MYH14: variants seen among roughly 807,000 people sequenced by gnomAD.
MYH14 encodes the protein myosin-14.
Under a neutral mutation model 255.5 loss-of-function variants are expected in MYH14, and 123 were observed. That is an observed-to-expected ratio of 0.48 (90% CI 0.42 to 0.56). The LOEUF is 0.56. Ranked by LOEUF, MYH14 falls within the 20% of genes least tolerant of loss-of-function variation. The pLI is 0.00. For missense variants in MYH14, 2,423 were observed against 2,802.3 expected, an observed-to-expected ratio of 0.86 and a Z score of 3.06; for synonymous variants, 1,095 against 1,161.2, an observed-to-expected ratio of 0.94 and a Z score of 1.16.
chr19:50,272,095 G>A, intron 26 of MYH14, 123 bp downstream of exon 26: 1 of 1,326,964 alleles, frequency 7.5e-7, no homozygotes, highest in African/African-American at 1.5e-5. Context: ...GAAGGCTCAG[G>A]GCAGATTGAG....
intron 12 of MYH14, among the ~76,000 whole-genome samples, chr19:50,248,184 G>T (rs2123299135): frequency 6.6e-6 from 1 of 152,250 alleles, no homozygotes; most frequent in South Asian, 2.1e-4. Context: ...GGCAGATCAT[G>T]CAGGGTCTTA....
chr19:50,269,616 C>A (rs998780680), intron 24 of MYH14, among the ~76,000 whole-genome samples: 1 of 152,220 alleles, frequency 6.6e-6, no homozygotes, highest in African/African-American at 2.4e-5. Context: ...CACAGACGGC[C>A]ACATGGATGT....
At chr19:50,231,591 T>C (rs546175130) in intron 9 of MYH14, among the ~76,000 whole-genome samples, 14 of 151,878 alleles carry the variant, frequency 9.2e-5, no homozygotes, top group African/African-American at 3.1e-4. Context: ...CACACAGCTG[T>C]AGTCCCAGCT....
At chr19:50,268,409 C>T (rs775949614) in intron 24 of MYH14, 42 bp downstream of exon 24, 22 of 1,537,364 alleles carry the variant, frequency 1.4e-5, no homozygotes, top group Non-Finnish European at 1.9e-5. Context: ...CTCCAGACCC[C>T]TCTGTCTACA....
rs773312540 is a variant in MYH14 at position 50,309,934 on chromosome 19, C to T, written c.*144C>T. ...AGCACTCTGGCATTTATCACCCCCACCTGGGTCCCCTGCAACCTCCCATCA... is the reference window on the plus strand; with the variant it reads ...AGCACTCTGGCATTTATCACCCCCATCTGGGTCCCCTGCAACCTCCCATCA... On this transcript the variant is annotated 3_prime_UTR_variant, in exon 43 of 43. Transcript: ENST00000642316. 33 of 820,608 alleles carry T rather than the reference C, an allele frequency of 4.0e-5. No individual in the cohort carries two copies. The highest frequency in any genetic ancestry group is 6.3e-5 in the Non-Finnish European group (31 of 494,510). The allele number at this position is 820,608 out of a possible 1,614,324, so 50.8% of individuals were successfully genotyped here.
chr19:50,229,747 T>C (rs1427049922), intron 8 of MYH14, among the ~76,000 whole-genome samples: 1 of 152,168 alleles, frequency 6.6e-6, no homozygotes, highest in Non-Finnish European at 1.5e-5. Context: ...AGTGACAGTC[T>C]AGTTGAAGGT....
chr19:50,253,461 C>T (rs904954849), intron 16 of MYH14, among the ~76,000 whole-genome samples: 1 of 150,648 alleles, frequency 6.6e-6, no homozygotes, highest in African/African-American at 2.5e-5. Context: ...AAAAAAAATT[C>T]TACTGAGAAA....
chr19:50,226,752 C>A, intron 7 of MYH14, 151 bp from the exon 8 acceptor site: 1 of 716,768 alleles, frequency 1.4e-6, no homozygotes, highest in Non-Finnish European at 2.4e-6. Flanking sequence ...GATGGGGACT[C>A]ACCACAGGAT....
intron 42 of MYH14, 135 bp from the exon 43 acceptor site, chr19:50,309,505 C>T (rs1372787598): frequency 1.5e-6 from 1 of 680,024 alleles, no homozygotes; most frequent in Non-Finnish European, 2.6e-6. Flanking sequence ...GATCTCATCC[C>T]TCTCTTCCCC....
At chr19:50,272,049 G>T in intron 26 of MYH14, 77 bp downstream of exon 26, 1 of 1,547,646 alleles carries the variant, frequency 6.5e-7, no homozygotes, top group Non-Finnish European at 8.8e-7. Context: ...GTGCTACAGG[G>T]CCTCAGTGGC....
At position 50,266,003 on chromosome 19, in the gene MYH14, G is replaced by A. The variant is rs564608946; in HGVS notation, c.2695-874G>A. Reference sequence around the variant, plus strand: ...TTTGAGAAATGTGAATGATACCTGCGAAAGATGCAAGGAGTCGGGGCAGAA... The same window carrying A: ...TTTGAGAAATGTGAATGATACCTGCAAAAGATGCAAGGAGTCGGGGCAGAA... On this transcript the variant is annotated intron_variant, in intron 22 of 42. Coordinates refer to ENST00000642316, the MANE Select transcript of MYH14 (RefSeq NM_001145809.2). The surrounding 1 kb of genome is among the most constrained non-coding windows in gnomAD (Gnocchi z 4.1). Among the ~76,000 whole-genome samples, 2 of 152,112 alleles carry A rather than the reference G, an allele frequency of 1.3e-5. No individual in the cohort carries two copies. The highest frequency in any genetic ancestry group is 2.1e-4 in the South Asian group (1 of 4,832).
rs571949502 is a variant in MYH14, at chr19:50,281,890, C to G, written c.4539+48C>G. ...GCCGGGGAATCAGCAAGTCCATCTA[C>G]GCTTCCCATGGTCGTTGTGAGGAAC... On this transcript the variant is annotated intron_variant, in intron 33 of 42. Coordinates refer to ENST00000642316, the MANE Select transcript of MYH14 (RefSeq NM_001145809.2). The G allele has an allele frequency of 4.4e-6, 7 of 1,582,032 alleles. No individual in the cohort carries two copies. In the African/African-American group the frequency reaches 6.7e-5, roughly 15 times the overall value.
intron 40 of MYH14, among the ~76,000 whole-genome samples, chr19:50,306,522 G>C (rs1250514966): frequency 6.6e-6 from 1 of 152,128 alleles, no homozygotes; most frequent in African/African-American, 2.4e-5. Flanking sequence ...ATTCAAGTCT[G>C]CTGAAATAAA....
chr19:50,216,801 CTTTTTTTT>C (rs200626930), intron 2 of MYH14, among the ~76,000 whole-genome samples: 2 of 112,790 alleles, frequency 1.8e-5, no homozygotes, highest in Non-Finnish European at 3.4e-5. Flanking sequence ...TCCATCCTTT[CTTTTTTTT>C]TTTTTTTTTT....
intron 39 of MYH14, among the ~76,000 whole-genome samples, chr19:50,297,469 T>C (rs943504282): frequency 1.3e-5 from 2 of 148,340 alleles, no homozygotes; most frequent in African/African-American, 4.9e-5. Flanking sequence ...TTTCCCATCT[T>C]TGTGGCTCTG....
At chr19:50,304,505 A>T (rs1361248870) in intron 40 of MYH14, among the ~76,000 whole-genome samples, 5 of 152,112 alleles carry the variant, frequency 3.3e-5, no homozygotes, top group African/African-American at 1.2e-4. Flanking sequence ...TAGGAGAATC[A>T]CTTGAACCTG....
intron 10 of MYH14, among the ~76,000 whole-genome samples, chr19:50,239,219 A>G (rs1438597648): frequency 6.6e-6 from 1 of 152,070 alleles, no homozygotes; most frequent in Non-Finnish European, 1.5e-5. Flanking sequence ...GGGTTTCTCC[A>G]TGTTGGTCAG....
chr19:50,291,085 T>C (rs2036060321), intron 36 of MYH14, 37 bp downstream of exon 36: 1 of 1,603,568 alleles, frequency 6.2e-7, no homozygotes, highest in Non-Finnish European at 8.5e-7. Flanking sequence ...GGGGAGGCTT[T>C]GGTGTCTTCA....
chr19:50,232,602 A>AC (rs1371948906), intron 10 of MYH14, among the ~76,000 whole-genome samples: 1 of 150,910 alleles, frequency 6.6e-6, no homozygotes, highest in Non-Finnish European at 1.5e-5. Flanking sequence ...TCAAAAAAAA[A>AC]AAAAAAAAAA....
Sources: allele counts gnomAD v4.1 joint callset (sites outside exome capture counted in the v4.1 genomes callset), GRCh38; gene constraint gnomAD v4.1.1; non-coding constraint Gnocchi (gnomAD v3.1); transcripts MANE v1.5; gene names NCBI Gene and HGNC (gene_info 2026-07-23, HGNC 2026-07-21).